Variants in PLXDC1 observed in about 807,000 individuals in gnomAD.
PLXDC1 encodes plexin domain containing 1, also known as plexin domain-containing protein 1.
In PLXDC1, 39 loss-of-function variants were observed where a neutral mutation model predicts 61.3. The ratio of observed to expected loss-of-function variants is 0.64; its 90% CI spans 0.49 to 0.83. PLXDC1 has a LOEUF of 0.83. Ranked by LOEUF, PLXDC1 falls within the 40% of genes least tolerant of loss-of-function variation. The pLI, the probability that PLXDC1 is intolerant of heterozygous loss-of-function variation, is 0.00. For missense variants in PLXDC1, 596 were observed against 666.5 expected (o/e 0.89, Z 1.17); for synonymous variants, 212 against 254.5 (o/e 0.83, Z 1.59).
chr17:39,120,944 T>G (rs1287849995), intron 2 of PLXDC1, among the ~76,000 whole-genome samples: 1 of 152,090 alleles, frequency 6.6e-6, no homozygotes, highest in East Asian at 1.9e-4. Flanking sequence ...ATTTTGTATT[T>G]TTAGTAGAGA....
intron 7 of PLXDC1, among the ~76,000 whole-genome samples, chr17:39,102,132 G>A (rs921931656): frequency 9.2e-5 from 14 of 152,154 alleles, no homozygotes; most frequent in Admixed American, 8.5e-4. Context: ...TGAAGGTGTG[G>A]ACTGGGGCGA....
At chr17:39,110,109 G>C (rs995134904) in intron 2 of PLXDC1, among the ~76,000 whole-genome samples, 3 of 150,044 alleles carry the variant, frequency 2.0e-5, no homozygotes, top group Non-Finnish European at 4.4e-5. Context: ...CTGGGCGACA[G>C]AGCGAGACTC....
intron 6 of PLXDC1, 150 bp from the exon 7 acceptor site, chr17:39,106,103 T>G: frequency 1.8e-6 from 1 of 551,510 alleles, no homozygotes; most frequent in Non-Finnish European, 3.2e-6. Context: ...CCCACCCAAA[T>G]TCCAAGTCCT....
In PLXDC1 at chr17:39,070,734, T is replaced by C. The variant is rs150772814; in HGVS notation, c.1223-718A>G. Among the ~76,000 whole-genome samples, 7 of 152,226 alleles carry C rather than the reference T, an allele frequency of 4.6e-5. No homozygotes were observed. In the East Asian group the frequency reaches 9.7e-4, roughly 21 times the overall value. Reference sequence around the variant, plus strand: ...GGCTCACCCCTGTAATCCCAGCACTTTAGGAGGCCGAGGCAGGCAGGTCAC... The same window carrying C: ...GGCTCACCCCTGTAATCCCAGCACTCTAGGAGGCCGAGGCAGGCAGGTCAC... On this transcript the variant is annotated intron_variant, in intron 12 of 13. Transcript: ENST00000315392.
intron 2 of PLXDC1, among the ~76,000 whole-genome samples, chr17:39,128,191 A>G (rs1238070490): frequency 9.3e-5 from 13 of 139,790 alleles, no homozygotes; most frequent in African/African-American, 3.0e-4. Context: ...ATATGTGTGT[A>G]TATATATGTA....
chr17:39,084,937 CGT>C (rs1909688997), intron 8 of PLXDC1, among the ~76,000 whole-genome samples: 2 of 152,156 alleles, frequency 1.3e-5, no homozygotes, highest in Non-Finnish European at 2.9e-5. Context: ...TCACAAAGCC[CGT>C]ATATTTGATT....
rs962298873 is a variant in PLXDC1 at position 39,096,748 on chromosome 17, G to A, written c.812-9046C>T. 2.5e-5 allele frequency: 9 copies of A among 359,878 alleles called. No individual in the cohort carries two copies. In the Admixed American group the frequency reaches 2.8e-4, roughly 11 times the overall value. The allele number at this position is 359,878 out of a possible 1,614,324, so 22.3% of individuals were successfully genotyped here. On this transcript the variant is annotated intron_variant, in intron 7 of 13. Transcript: ENST00000315392. ...CTGATCCCACTAATTCAGAATCCCTGTCAGTTTCGATGTTGGCAATGCTAA... is the reference window on the plus strand; with the variant it reads ...CTGATCCCACTAATTCAGAATCCCTATCAGTTTCGATGTTGGCAATGCTAA...
At position 39,067,653 on chromosome 17, in the gene PLXDC1, TG is replaced by T; in HGVS notation, c.*186del. On this transcript the variant is annotated 3_prime_UTR_variant, in exon 14 of 14. Coordinates refer to ENST00000315392, the MANE Select transcript of PLXDC1 (RefSeq NM_020405.5). ...TGTTCCTATAAAAAATCCATGTGGTTGTTTTTTGGCCCCCTCTTCAATATTC... is the reference window on the plus strand; with the variant it reads ...TGTTCCTATAAAAAATCCATGTGGTTTTTTTTGGCCCCCTCTTCAATATTC... The T allele has an allele frequency of 1.8e-6, 1 of 541,466 alleles. No homozygotes were observed. The allele number at this position is 541,466 out of a possible 1,614,324, so 33.5% of individuals were successfully genotyped here. A position where few individuals can be genotyped will look rare whatever the true frequency, so the allele number is the denominator to read the frequency against.
At chr17:39,128,165 A>ATTTATATGTGTATATG (rs1555573215) in intron 2 of PLXDC1, among the ~76,000 whole-genome samples, 5 of 99,146 alleles carry the variant, frequency 5.0e-5, no homozygotes, top group African/African-American at 2.2e-4. Flanking sequence ...ATATATATGT[A>ATTTATATGTGTATATG]TATATATGTA....
At chr17:39,141,823 TTTTC>T (rs1375777796) in intron 1 of PLXDC1, among the ~76,000 whole-genome samples, 2 of 152,208 alleles carry the variant, frequency 1.3e-5, no homozygotes, top group African/African-American at 4.8e-5. Flanking sequence ...ATACTTGTTA[TTTTC>T]TGTTTTTTTT....
chr17:39,115,534 C>G (rs1220602225), intron 2 of PLXDC1, among the ~76,000 whole-genome samples: 1 of 152,168 alleles, frequency 6.6e-6, no homozygotes, highest in South Asian at 2.1e-4. Flanking sequence ...AAGCCAGGAG[C>G]CATATCTACT....
In PLXDC1 at chr17:39,069,950, A is replaced by T. The variant is rs1300681235; in HGVS notation, c.1289T>A (p.Ile430Asn). 1 of 1,613,734 alleles carries T rather than the reference A, an allele frequency of 6.2e-7. No individual in the cohort carries two copies. The highest frequency in any genetic ancestry group is 1.1e-5 in the South Asian group (1 of 91,060). Residue 430 changes from isoleucine to asparagine, a missense_variant, in exon 13 of 14, where the codon ATC becomes AAC. Coordinates refer to ENST00000315392, the MANE Select transcript of PLXDC1 (RefSeq NM_020405.5). ...TPVHLGTIVG[I>N]VLAVLLVAAI... ...CGCCACGAGGAGGACTGCCAGCACG[A>T]TGCCCACGATGGTGCCCAGGTGCAC...
intron 6 of PLXDC1, among the ~76,000 whole-genome samples, chr17:39,106,615 A>G (rs1269013542): frequency 6.7e-6 from 1 of 148,478 alleles, no homozygotes; most frequent in African/African-American, 2.5e-5. Flanking sequence ...ACCCTGGCTC[A>G]TCATGCTGCC....
intron 2 of PLXDC1, chr17:39,137,492 G>T (rs903820493): frequency 6.6e-6 from 1 of 152,180 alleles, no homozygotes; most frequent in Admixed American, 6.6e-5. Context: ...GGAGGAGGAG[G>T]AGGTTGCAAT....
intron 6 of PLXDC1, among the ~76,000 whole-genome samples, 176 bp downstream of exon 6, chr17:39,107,231 T>C (rs1910626300): frequency 1.3e-5 from 2 of 152,196 alleles, no homozygotes; most frequent in African/African-American, 4.8e-5. Context: ...CTGTAATTAT[T>C]GTCCACCTCC....
At chr17:39,134,626 TAA>T (rs397857078) in intron 2 of PLXDC1, among the ~76,000 whole-genome samples, 8 of 105,552 alleles carry the variant, frequency 7.6e-5, no homozygotes, top group Admixed American at 1.9e-4. Context: ...ACTTTGTCTC[TAA>T]AAAAAAAAAA....
chr17:39,109,277 T>C lies in PLXDC1; in HGVS notation c.370A>G (p.Ile124Val), dbSNP rs372051003. ...ANRSQVKIHTILSNTHRQASR... is the reference protein window; with the variant it reads ...ANRSQVKIHTVLSNTHRQASR... ...GCCTGCCGGTGGGTGTTGGAGAGTA[T>C]TGTGTGGATCTTCACTTGGCTCCGG... is the stretch of plus-strand genomic sequence containing the variant. The change falls in exon 3 of 14, where the codon ATA (isoleucine) becomes GTA (valine). Residue 124 changes from isoleucine (I) to valine (V), a missense_variant. Ile to Val is a conservative substitution (Grantham distance 29). Coordinates refer to ENST00000315392, the MANE Select transcript of PLXDC1 (RefSeq NM_020405.5). 2 of 1,613,040 alleles carry C rather than the reference T, an allele frequency of 1.2e-6. No homozygotes were observed. The highest frequency in any genetic ancestry group is 1.7e-5 in the Admixed American group (1 of 59,908).
At chr17:39,108,303 G>C in intron 4 of PLXDC1, 58 bp from the exon 5 acceptor site, 1 of 1,595,978 alleles carries the variant, frequency 6.3e-7, no homozygotes, top group Non-Finnish European at 8.6e-7. Context: ...GCCGCTTTGG[G>C]GGCCTTTTCC....
Position 39,065,229 on chromosome 17 carries a change from T to C in PLXDC1, c.*2611A>G, listed in dbSNP as rs1908849115. ...GATGTATTTGGCGGCAGATGGCCTG[T>C]TTGTTTATGACAAAAAGTACTAGAG... On this transcript the variant is annotated 3_prime_UTR_variant, in exon 14 of 14. Transcript: ENST00000315392. 2 of 152,042 alleles carry C rather than the reference T, an allele frequency of 1.3e-5. No individual in the cohort carries two copies. The highest frequency in any genetic ancestry group is 4.8e-5 in the African/African-American group (2 of 41,364). 9.4% of individuals were successfully genotyped at this position (152,042 alleles called of 1,614,324 possible).
Sources: gnomAD v4.1 joint callset for allele counts (sites outside exome capture counted in the v4.1 genomes callset) on GRCh38, gnomAD v4.1.1 for gene constraint, MANE v1.5 for transcripts, NCBI Gene and HGNC (gene_info 2026-07-23, HGNC 2026-07-21) for gene names.